The following DNAAF3 variants were observed in gnomAD, a reference collection of about 807,000 sequenced individuals.
The protein encoded by DNAAF3 is UPF0470 protein C19orf51.
In DNAAF3, 40 loss-of-function variants were observed where a neutral mutation model predicts 50.9. The ratio of observed to expected loss-of-function variants is 0.79; its 90% confidence interval spans 0.61 to 1.02. DNAAF3 has a LOEUF of 1.02. Among genes scored for constraint, DNAAF3 ranks in the 50% least tolerant of loss-of-function variants. DNAAF3 has a pLI of 0.00. For synonymous variants in DNAAF3, 327 were observed against 322.8 expected, an observed-to-expected ratio of 1.01 and a Z score of -0.14; for missense variants, 763 against 744.7, an observed-to-expected ratio of 1.02 and a Z score of -0.29.
In DNAAF3 at chr19:55,160,715, C is replaced by G; in HGVS notation, c.973G>C (p.Gly325Arg). The G allele has an allele frequency of 6.2e-7, 1 of 1,613,320 alleles. No individual in the cohort carries two copies. The highest frequency in any genetic ancestry group is 8.5e-7 in the Non-Finnish European group (1 of 1,179,918). The change falls in exon 9 of 12, where the codon GGG becomes CGG. Residue 325 changes from glycine (G) to arginine (R), a missense_variant. Physicochemically the swap from Gly to Arg is moderately radical, Grantham distance 125 (BLOSUM62 -2). Transcript: ENST00000524407. This position sits in a 1 kb window ranked among gnomAD's most constrained non-coding sequence, Gnocchi z 4.7. ...TELLRDVAAWGRARATGGDLE... is the reference protein window; with the variant it reads ...TELLRDVAAWRRARATGGDLE... Reference sequence around the variant, plus strand: ...TCCCCCCCGGTGGCTCTCGCGCGCCCCCAGGCGGCCACGTCGCGGAGCAGC... The same window carrying G: ...TCCCCCCCGGTGGCTCTCGCGCGCCGCCAGGCGGCCACGTCGCGGAGCAGC...
chr19:55,158,921 G>A lies in DNAAF3; in HGVS notation c.*141C>T, dbSNP rs532132907. The stretch of plus-strand genomic sequence containing the variant: ...AATTTGAAAGTCTACCAACACTCCC[G>A]GGGTGGGGGTGGCGGGTACTGAGTG... On this transcript the variant is annotated 3_prime_UTR_variant, in exon 12 of 12. Coordinates refer to ENST00000524407, the MANE Select transcript of DNAAF3 (RefSeq NM_001256715.2). The A allele has an allele frequency of 1.2e-4, 101 of 861,272 alleles. No individual in the cohort carries two copies. The highest frequency in any genetic ancestry group is 3.6e-4 in the Middle Eastern group (1 of 2,786). 53.4% of individuals were successfully genotyped at this position (861,272 alleles called of 1,614,324 possible).
Position 55,161,543 on chromosome 19 carries a change from A to G in DNAAF3, c.663+100T>C. 4.1e-6 allele frequency: 6 copies of G among 1,472,996 alleles called. No individual in the cohort carries two copies. Among genetic ancestry groups the G allele is most frequent in the South Asian group, 1.4e-5 (1 of 72,904 alleles). The allele number at this position is 1,472,996 out of a possible 1,614,324, so 91.2% of individuals were successfully genotyped here. On this transcript the variant is annotated intron_variant, in intron 6 of 11. Transcript: ENST00000524407. This position sits in a 1 kb window ranked among gnomAD's most constrained non-coding sequence, Gnocchi z 6.4. ...CCTCCTCCCTCAGACCCAGGAGTTCAGGCCCCCAAACCCTCCTCCCTCAGA... is the reference window on the plus strand; with the variant it reads ...CCTCCTCCCTCAGACCCAGGAGTTCGGGCCCCCAAACCCTCCTCCCTCAGA...
Position 55,162,186 on chromosome 19 carries a change from C to A in DNAAF3, c.427G>T (p.Glu143Ter). The change falls in exon 5 of 12, where the codon GAG becomes TAG. Residue 143 changes from glutamate (E) to a stop codon, truncating the protein, a stop_gained. Coordinates refer to ENST00000524407, the MANE Select transcript of DNAAF3 (RefSeq NM_001256715.2). LOFTEE classifies it high-confidence loss of function. ...QADLLAHLVPEPDRLEEQLPW... is the reference protein window; with the variant it reads ...QADLLAHLVP ...AGCTGTTCCTCCAGGCGGTCGGGCT[C>A]GGGGACCAGGTGCGCCAGCAGGTCG... 8.0e-7 allele frequency: 1 copy of A among 1,253,318 alleles called. No individual in the cohort carries two copies. Among genetic ancestry groups the A allele is most frequent in the South Asian group, 3.9e-5 (1 of 25,804 alleles). The allele number at this position is 1,253,318 out of a possible 1,614,324, so 77.6% of individuals were successfully genotyped here.
At position 55,160,039 on chromosome 19, in the gene DNAAF3, C is replaced by T. The variant is rs201516606; in HGVS notation, c.1049-26G>A. On this transcript the variant is annotated intron_variant, in intron 9 of 11. Coordinates refer to ENST00000524407, the MANE Select transcript of DNAAF3 (RefSeq NM_001256715.2). The surrounding 1 kb of genome is among the most constrained non-coding windows in gnomAD (Gnocchi z 4.7). ...CTGGGGGAAGGGGATAGAGGGGTCA[C>T]CTCTGACAGGCGGAGCCATAAGGGC... The T allele has an allele frequency of 6.0e-6, 9 of 1,498,478 alleles. No homozygotes were observed. The East Asian group carries it at 2.0e-4, about 34-fold the overall frequency. The allele number at this position is 1,498,478 out of a possible 1,614,324, so 92.8% of individuals were successfully genotyped here.
chr19:55,164,497 TAAAC>T (rs753077537), intron 4 of DNAAF3, among the ~76,000 whole-genome samples: 9 of 151,944 alleles, frequency 5.9e-5, no homozygotes, highest in African/African-American at 9.7e-5. Flanking sequence ...AATAAATAAA[TAAAC>T]AAACAAACCT....
chr19:55,159,370 C>T lies in DNAAF3; in HGVS notation c.1318G>A (p.Ala440Thr), dbSNP rs1256829875. 1 of 1,614,182 alleles carries T rather than the reference C, an allele frequency of 6.2e-7. No individual in the cohort carries two copies. The highest frequency in any genetic ancestry group is 8.5e-7 in the Non-Finnish European group (1 of 1,180,040). ...GAAGGCCTGGCCCCGGTCTGTGGAGCAAATCCAGCTGCCTGAGCTAGCTCC... is the reference window on the plus strand; with the variant it reads ...GAAGGCCTGGCCCCGGTCTGTGGAGTAAATCCAGCTGCCTGAGCTAGCTCC... ...VRELAQAAGFAPQTGARPSET... is the reference protein window; with the variant it reads ...VRELAQAAGFTPQTGARPSET... The change falls in exon 12 of 12, where the codon GCT becomes ACT. Residue 440 changes from alanine to threonine, a missense_variant. Ala to Thr is a moderately conservative substitution (Grantham distance 58, BLOSUM62 0). Transcript: ENST00000524407.
chr19:55,165,947 G>C lies in DNAAF3; in HGVS notation c.139C>G (p.Leu47Val). Residue 47 changes from leucine to valine, a missense_variant, in exon 3 of 12, where the codon CTA (leucine) becomes GTA (valine). By Grantham distance (32) the Leu-to-Val change is conservative (BLOSUM62 1). Transcript: ENST00000524407. Reference sequence around the variant, plus strand: ...ACAGAGCCCAGAAGCAGCACATCTAGCTCGGGGTTGCTGTGCACTGTATCG... The same window carrying C: ...ACAGAGCCCAGAAGCAGCACATCTACCTCGGGGTTGCTGTGCACTGTATCG... The part of the protein sequence containing the change: ...QADTVHSNPE[L>V]DVLLLGSVDG... 6.2e-7 allele frequency: 1 copy of C among 1,614,228 alleles called. No homozygotes were observed.
chr19:55,166,483 C>T lies in DNAAF3; in HGVS notation c.-5+40G>A, dbSNP rs750472296. ...CCCGCTCCCCTCTCACCGCCCCTCA[C>T]TTCTCGCCCCTTTGCCTCCACATGA... is the stretch of plus-strand genomic sequence containing the variant. On this transcript the variant is annotated intron_variant, in intron 1 of 11. Transcript: ENST00000524407. The surrounding 1 kb of genome is among the most constrained non-coding windows in gnomAD (Gnocchi z 4.0). 7.4e-6 allele frequency: 12 copies of T among 1,613,580 alleles called. No homozygotes were observed. Among genetic ancestry groups the T allele is most frequent in the Non-Finnish European group, 1.0e-5 (12 of 1,179,710 alleles).
At chr19:55,163,611 G>C (rs1336364002) in intron 4 of DNAAF3, among the ~76,000 whole-genome samples, 2 of 152,148 alleles carry the variant, frequency 1.3e-5, no homozygotes, top group African/African-American at 2.4e-5. Flanking sequence ...AATTTTATAA[G>C]GGACTTGAGC....
intron 4 of DNAAF3, chr19:55,162,585 C>G: frequency 1.0e-6 from 1 of 984,678 alleles, no homozygotes; most frequent in South Asian, 4.9e-5. Context: ...GACTCCGCCT[C>G]TAAAATAAAT....
upstream of DNAAF3, chr19:55,166,692 G>A (rs73066642): frequency 0.014 from 22,850 of 1,585,450 alleles, 206 homozygotes; most frequent in Non-Finnish European, 0.018. This position sits in a 1 kb window ranked among gnomAD's most constrained non-coding sequence, Gnocchi z 4.0. Flanking sequence ...GAGAGTGAGC[G>A]AGGCCCGCCC....
In DNAAF3 at chr19:55,161,226, G is replaced by T; in HGVS notation, c.790-39C>A. ...GAGAGAGGAGGCAGGTGAGGTCGAT[G>T]TTGGGGCCCCTGACTCCTAGGACTC... is the stretch of plus-strand genomic sequence containing the variant. On this transcript the variant is annotated intron_variant, in intron 7 of 11. Coordinates refer to ENST00000524407, the MANE Select transcript of DNAAF3 (RefSeq NM_001256715.2). The surrounding 1 kb of genome is among the most constrained non-coding windows in gnomAD (Gnocchi z 6.4). 1 of 1,592,026 alleles carries T rather than the reference G, an allele frequency of 6.3e-7. No homozygotes were observed. Among genetic ancestry groups the T allele is most frequent in the Non-Finnish European group, 8.6e-7 (1 of 1,166,506 alleles).
At chr19:55,163,041 G>A (rs1439474819) in intron 4 of DNAAF3, among the ~76,000 whole-genome samples, 87 of 116,114 alleles carry the variant, frequency 7.5e-4, no homozygotes, top group African/African-American at 2.8e-3. Flanking sequence ...ACGGAGTCTC[G>A]CTCTGTCGCC....
rs371357562 is a variant in DNAAF3, at chr19:55,160,770, G to A, written c.918C>T (p.Ala306=). 2.0e-5 allele frequency: 33 copies of A among 1,609,908 alleles called. No individual in the cohort carries two copies. In the African/African-American group the frequency reaches 3.7e-4, roughly 18 times the overall value. The stretch of plus-strand genomic sequence containing the variant: ...TCACGTTGTGTTGAGTGATCTCCCC[G>A]GCCGTCTAACAGTAGAAGGGGCGTG... ...RTSNGQPVKT[A]GEITQHNVTE... The change falls in exon 9 of 12, where the codon GCC becomes GCT. Residue 306 remains alanine, a synonymous_variant. Transcript: ENST00000524407. The surrounding 1 kb of genome is among the most constrained non-coding windows in gnomAD (Gnocchi z 4.7).
chr19:55,161,613 G>C lies in DNAAF3; in HGVS notation c.663+30C>G. The C allele has an allele frequency of 1.3e-6, 2 of 1,519,328 alleles. No homozygotes were observed. Among genetic ancestry groups the C allele is most frequent in the Non-Finnish European group, 1.8e-6 (2 of 1,136,390 alleles). 94.1% of individuals were successfully genotyped at this position (1,519,328 alleles called of 1,614,324 possible). ...CTCCTCCCTCAGACCCAGGGGTCCA[G>C]GCCCCCAGCCCCTCTCCTGGGCCCC... On this transcript the variant is annotated intron_variant, in intron 6 of 11. Coordinates refer to ENST00000524407, the MANE Select transcript of DNAAF3 (RefSeq NM_001256715.2). The surrounding 1 kb of genome is among the most constrained non-coding windows in gnomAD (Gnocchi z 6.4).
chr19:55,159,048 G>A lies in DNAAF3; in HGVS notation c.*14C>T. 6.4e-7 allele frequency: 1 copy of A among 1,564,364 alleles called. No homozygotes were observed. The highest frequency in any genetic ancestry group is 8.7e-7 in the Non-Finnish European group (1 of 1,155,734). On this transcript the variant is annotated 3_prime_UTR_variant, in exon 12 of 12. Transcript: ENST00000524407. Reference sequence around the variant, plus strand: ...ACTTTGGAAGTTGGAGATAAGGGGTGTCTAGGGGTTGGGTCAGACTCCAGT... The same window carrying A: ...ACTTTGGAAGTTGGAGATAAGGGGTATCTAGGGGTTGGGTCAGACTCCAGT...
rs767677564 is a variant in DNAAF3 at position 55,160,638 on chromosome 19, ACCTGGAGTC to A, written c.1041_1048+1del. The A allele has an allele frequency of 2.8e-5, 45 of 1,611,658 alleles. No homozygotes were observed. In the African/African-American group the frequency reaches 4.4e-4, roughly 16 times the overall value. On this transcript the variant is annotated splice_donor_variant and coding_sequence_variant, in exon 9 of 12. Coordinates refer to ENST00000524407, the MANE Select transcript of DNAAF3 (RefSeq NM_001256715.2). LOFTEE classifies it high-confidence loss of function. The surrounding 1 kb of genome is among the most constrained non-coding windows in gnomAD (Gnocchi z 4.7). The stretch of plus-strand genomic sequence containing the variant: ...GCTTACCTGTTGTTGTCCCTGGCTT[ACCTGGAGTC>A]CCTGGCTCCGGGCTTCCCTCCGCGT...
intron 4 of DNAAF3, among the ~76,000 whole-genome samples, chr19:55,164,990 C>G (rs1181639207): frequency 7.0e-6 from 1 of 142,854 alleles, no homozygotes; most frequent in Non-Finnish European, 1.5e-5. Flanking sequence ...AAATACCAAA[C>G]ATTTTTGGTT....
chr19:55,161,461 G>A lies in DNAAF3; in HGVS notation c.664-43C>T. On this transcript the variant is annotated intron_variant, in intron 6 of 11. Transcript: ENST00000524407. The surrounding 1 kb of genome is among the most constrained non-coding windows in gnomAD (Gnocchi z 6.4). ...AAGAAGGGAGCCCTCAGTGAACCGAGCGTGGAGAGACCCCTACACCAGCCT... is the reference window on the plus strand; with the variant it reads ...AAGAAGGGAGCCCTCAGTGAACCGAACGTGGAGAGACCCCTACACCAGCCT... 1.9e-6 allele frequency: 3 copies of A among 1,567,530 alleles called. No individual in the cohort carries two copies. The highest frequency in any genetic ancestry group is 2.6e-6 in the Non-Finnish European group (3 of 1,156,870).
Sources: allele counts gnomAD v4.1 joint callset (sites outside exome capture counted in the v4.1 genomes callset), GRCh38; gene constraint gnomAD v4.1.1; non-coding constraint Gnocchi (gnomAD v3.1); transcripts MANE v1.5; gene names NCBI Gene and HGNC (gene_info 2026-07-23, HGNC 2026-07-21).